Variants in COL4A2 observed in about 807,000 individuals in gnomAD.
The protein encoded by COL4A2 is collagen alpha-2(IV) chain.
COL4A2 carries 99 observed loss-of-function variants against 200.2 expected under a neutral mutation model. That is an observed-to-expected ratio of 0.49 (90% CI 0.42 to 0.58). The LOEUF is 0.58. Among genes scored for constraint, COL4A2 ranks in the 20% least tolerant of loss-of-function variants. COL4A2 has a pLI of 0.00. For missense variants in COL4A2, 1,950 were observed against 2,314.1 expected (o/e 0.84, Z 3.23); for synonymous variants, 897 against 900.6 (o/e 1.00, Z 0.07).
At position 110,477,730 on chromosome 13, in the gene COL4A2, A is replaced by G. The variant is rs1029942767; in HGVS notation, c.2426-273A>G. On this transcript the variant is annotated intron_variant, in intron 29 of 47. Coordinates refer to ENST00000360467, the MANE Select transcript of COL4A2 (RefSeq NM_001846.4). ...AAGTGAAGAAAACTAGGTTAAAACT[A>G]TACTTATAGTGCCATGTCAACTCTG... Among the ~76,000 whole-genome samples the G allele has an allele frequency of 3.9e-5, 6 of 152,370 alleles. No individual in the cohort carries two copies. The East Asian group carries it at 1.2e-3, about 29-fold the overall frequency.
chr13:110,424,989 GGA>G lies in COL4A2; in HGVS notation c.353_354del (p.Gly118AspfsTer35). 1 of 1,614,206 alleles carries G rather than the reference GGA, an allele frequency of 6.2e-7. No homozygotes were observed. Among genetic ancestry groups the G allele is most frequent in the South Asian group, 1.1e-5 (1 of 91,078 alleles). On this transcript the variant is annotated frameshift_variant, in exon 6 of 48. Coordinates refer to ENST00000360467, the MANE Select transcript of COL4A2 (RefSeq NM_001846.4). LOFTEE classifies it high-confidence loss of function. ...CGTTTCTGGATTCCCTGGTGCCGAT[GGA>G]ATTCCTGTAAGTTTTATGGAAGACT... Reference protein sequence around the residue: ...RGVSGFPGADGIPGHPGQGGP... With the variant: ...RGVSGFPGADXIPGHPGQGGP...
chr13:110,485,744 A>T lies in COL4A2; in HGVS notation c.3115A>T (p.Ile1039Phe), dbSNP rs990435000. 6.2e-7 allele frequency: 1 copy of T among 1,613,898 alleles called. No homozygotes were observed. Among genetic ancestry groups the T allele is most frequent in the Non-Finnish European group, 8.5e-7 (1 of 1,179,950 alleles). Reference protein sequence around the residue: ...PGHIKGVKGDIGVPGIPGLPG... With the variant: ...PGHIKGVKGDFGVPGIPGLPG... ...CCACATCAAAGGAGTCAAGGGAGACATCGGAGTCCCCGGCATCCCCGGTTT... is the reference window on the plus strand; with the variant it reads ...CCACATCAAAGGAGTCAAGGGAGACTTCGGAGTCCCCGGCATCCCCGGTTT... The change falls in exon 34 of 48, where the codon ATC becomes TTC. Residue 1039 changes from isoleucine (I) to phenylalanine (F), a missense_variant. Physicochemically the swap from Ile to Phe is conservative, Grantham distance 21. Around this residue, in one of 2 missense-constraint regions of COL4A2, gnomAD observed 1,385 missense variants for 1,720.5 expected, o/e 0.80. Transcript: ENST00000360467.
chr13:110,406,334 C>A (rs1415880748), intron 4 of COL4A2, among the ~76,000 whole-genome samples: 1 of 152,128 alleles, frequency 6.6e-6, no homozygotes. Context: ...CCAAGCAGTC[C>A]CAGGCTGAGA....
At chr13:110,477,075 A>C (rs1200103877) in intron 29 of COL4A2, among the ~76,000 whole-genome samples, 1 of 152,210 alleles carries the variant, frequency 6.6e-6, no homozygotes, top group African/African-American at 2.4e-5. Context: ...GAGGCCGGGC[A>C]CAGTGGCTCA....
Position 110,430,979 on chromosome 13 carries a change from A to G in COL4A2, c.648+372A>G, listed in dbSNP as rs375100330. 1.0e-3 allele frequency: 443 copies of G among 443,202 alleles called. 1 individual carries two copies. Among genetic ancestry groups the G allele is most frequent in the South Asian group, 4.7e-3 (275 of 58,492 alleles). The allele number at this position is 443,202 out of a possible 1,614,324, so 27.5% of individuals were successfully genotyped here. ...GAGGAAATGGAGGTCTGCCTGTGCC[A>G]CACCCATGCTAGCAGGCATATCACA... On this transcript the variant is annotated intron_variant, in intron 10 of 47. Coordinates refer to ENST00000360467, the MANE Select transcript of COL4A2 (RefSeq NM_001846.4).
At chr13:110,359,751 A>G (rs555964733) in intron 4 of COL4A2, among the ~76,000 whole-genome samples, 46 of 152,208 alleles carry the variant, frequency 3.0e-4, no homozygotes, top group African/African-American at 1.1e-3. Flanking sequence ...CGTGATAGGG[A>G]ACCTCTTTAT....
At chr13:110,389,702 C>T (rs955809387) in intron 4 of COL4A2, among the ~76,000 whole-genome samples, 1 of 152,336 alleles carries the variant, frequency 6.6e-6, no homozygotes, top group South Asian at 2.1e-4. Flanking sequence ...ACTGCGGCTC[C>T]AAGAGGAAAG....
In COL4A2 at chr13:110,307,697, G is replaced by C. The variant is rs7327528; in HGVS notation, c.-44-163G>C. 0.063 allele frequency among the ~76,000 whole-genome samples: 9,544 copies of C among 152,176 alleles called. 320 individuals are homozygous for C. Among genetic ancestry groups the C allele is most frequent in the Middle Eastern group, 0.082 (24 of 294 alleles). ...AGGAGCACCCACAGGGGCCTAACGG[G>C]AGGCTCTCCTTCTTTCCGGGTCGTG... On this transcript the variant is annotated intron_variant, in intron 1 of 47. Coordinates refer to ENST00000360467, the MANE Select transcript of COL4A2 (RefSeq NM_001846.4). The surrounding 1 kb of genome is among the most constrained non-coding windows in gnomAD (Gnocchi z 5.0).
chr13:110,343,311 C>A (rs548846193), intron 3 of COL4A2, among the ~76,000 whole-genome samples: 1 of 152,196 alleles, frequency 6.6e-6, no homozygotes, highest in Non-Finnish European at 1.5e-5. Context: ...CTCTCCTCTG[C>A]TGGCCCCAGG....
intron 3 of COL4A2, among the ~76,000 whole-genome samples, chr13:110,334,329 C>G (rs1876069797): frequency 6.6e-6 from 1 of 152,200 alleles, no homozygotes; most frequent in African/African-American, 2.4e-5. Flanking sequence ...CGCATCTAAC[C>G]TGTTGTGAGC....
chr13:110,318,183 C>T (rs770728655), intron 3 of COL4A2, among the ~76,000 whole-genome samples: 29 of 152,230 alleles, frequency 1.9e-4, no homozygotes, highest in Non-Finnish European at 3.4e-4. Context: ...ATGTGACATT[C>T]GTTCATTAAA....
At chr13:110,450,604 A>G in intron 20 of COL4A2, 150 bp downstream of exon 20, 1 of 921,858 alleles carries the variant, frequency 1.1e-6, no homozygotes, top group South Asian at 1.6e-5. Flanking sequence ...CAGGTAGATT[A>G]GGGTGTAGTG....
chr13:110,462,130 T>C lies in COL4A2; in HGVS notation c.1613T>C (p.Ile538Thr), dbSNP rs773949303. 2.1e-5 allele frequency: 34 copies of C among 1,614,120 alleles called. 1 individual carries two copies. The South Asian group carries it at 2.2e-4, about 10-fold the overall frequency. The change falls in exon 23 of 48, where the codon ATT becomes ACT. Residue 538 changes from isoleucine (I) to threonine (T), a missense_variant. Around this residue, in one of 2 missense-constraint regions of COL4A2, gnomAD observed 1,385 missense variants for 1,720.5 expected, o/e 0.80. Coordinates refer to ENST00000360467, the MANE Select transcript of COL4A2 (RefSeq NM_001846.4). ...TTTCCACAGGGAGTGCCTGGCAACA[T>C]TGGTGCTCCCGGACCCAAAGGAGCA... is the stretch of plus-strand genomic sequence containing the variant. ...FPGLKGVPGNIGAPGPKGAKG... is the reference protein window; with the variant it reads ...FPGLKGVPGNTGAPGPKGAKG...
intron 3 of COL4A2, among the ~76,000 whole-genome samples, chr13:110,323,999 G>A (rs1482029378): frequency 6.6e-6 from 1 of 152,118 alleles, no homozygotes; most frequent in Admixed American, 6.5e-5. Flanking sequence ...AATTACAGTC[G>A]AAAAAATTAT....
intron 4 of COL4A2, among the ~76,000 whole-genome samples, chr13:110,357,904 T>C (rs950852583): frequency 5.3e-4 from 80 of 152,290 alleles, no homozygotes; most frequent in African/African-American, 1.9e-3. Context: ...AGTTGCTCTG[T>C]CTGCGTTGGG....
At chr13:110,366,039 A>G (rs1001422889) in intron 4 of COL4A2, among the ~76,000 whole-genome samples, 4 of 152,174 alleles carry the variant, frequency 2.6e-5, no homozygotes, top group African/African-American at 9.7e-5. Flanking sequence ...CCAAACTAAA[A>G]TGCTGACTTT....
At chr13:110,337,195 G>A (rs1159590941) in intron 3 of COL4A2, among the ~76,000 whole-genome samples, 4 of 152,216 alleles carry the variant, frequency 2.6e-5, no homozygotes, top group South Asian at 4.1e-4. Flanking sequence ...CTCTGATTCC[G>A]CGGTTCTGGA....
intron 3 of COL4A2, among the ~76,000 whole-genome samples, chr13:110,336,014 C>T (rs1876168116): frequency 6.6e-6 from 1 of 152,180 alleles, no homozygotes; most frequent in Admixed American, 6.5e-5. Flanking sequence ...ATGGCCACTT[C>T]ATTACTTCTA....
chr13:110,498,847 T>C (rs1315812527), intron 40 of COL4A2, among the ~76,000 whole-genome samples: 4 of 152,204 alleles, frequency 2.6e-5, no homozygotes, highest in Non-Finnish European at 4.4e-5. Flanking sequence ...TGGCCCTCCT[T>C]GCATTCCATC....
Sources: gnomAD v4.1 joint callset for allele counts (sites outside exome capture counted in the v4.1 genomes callset) on GRCh38, gnomAD v4.1.1 for gene constraint, gnomAD v4.1.1 regional missense constraint, Gnocchi (gnomAD v3.1) non-coding constraint, MANE v1.5 for transcripts, NCBI Gene and HGNC (gene_info 2026-07-23, HGNC 2026-07-21) for gene names.